Variants in PLXNA2 observed in about 807,000 individuals in gnomAD.
PLXNA2 encodes the protein plexin-A2.
A neutral mutation model predicts 193.5 loss-of-function variants in PLXNA2; 91 were observed. The ratio of observed to expected loss-of-function variants is 0.47; its 90% CI spans 0.40 to 0.56. The LOEUF is 0.56. Among genes scored for constraint, PLXNA2 ranks in the 20% least tolerant of loss-of-function variants. The pLI is 0.00. For missense variants in PLXNA2, 1,995 were observed against 2,503.2 expected (o/e 0.80, Z 4.33); for synonymous variants, 997 against 1,027.3 (o/e 0.97, Z 0.56).
At chr1:208,210,061 T>G (rs1047480332) in intron 3 of PLXNA2, 14 of 340,978 alleles carry the variant, frequency 4.1e-5, no homozygotes, top group African/African-American at 2.9e-4. Context: ...AATATTGAAA[T>G]ACGCTTGCAT....
chr1:208,052,466 T>C lies in PLXNA2; in HGVS notation c.2857-3A>G. ...TTGAGTGACAGCACAGAAGGGTTCT[T>C]TGGAAAGAAGCAGAGAAATGACTAC... On this transcript the variant is annotated splice_region_variant and splice_polypyrimidine_tract_variant and intron_variant, in intron 14 of 31. Coordinates refer to ENST00000367033, the MANE Select transcript of PLXNA2 (RefSeq NM_025179.4). The C allele has an allele frequency of 6.2e-7, 1 of 1,614,024 alleles. No homozygotes were observed. Among genetic ancestry groups the C allele is most frequent in the Non-Finnish European group, 8.5e-7 (1 of 1,179,968 alleles).
intron 1 of PLXNA2, among the ~76,000 whole-genome samples, chr1:208,234,068 G>A (rs1671776004): frequency 6.6e-6 from 1 of 151,982 alleles, no homozygotes; most frequent in Non-Finnish European, 1.5e-5. Flanking sequence ...GAGGTCACTG[G>A]GCACAGTGCA....
At chr1:208,178,041 A>C (rs1000070246) in intron 3 of PLXNA2, among the ~76,000 whole-genome samples, 10 of 152,232 alleles carry the variant, frequency 6.6e-5, no homozygotes, top group African/African-American at 2.4e-4. Flanking sequence ...CTGGTAATAG[A>C]AGATGATGTG....
intron 4 of PLXNA2, among the ~76,000 whole-genome samples, chr1:208,105,823 C>T (rs1667253900): frequency 6.6e-6 from 1 of 152,112 alleles, no homozygotes; most frequent in Non-Finnish European, 1.5e-5. Flanking sequence ...GGGTTTCGGG[C>T]TCCTTGTGAG....
intron 3 of PLXNA2, among the ~76,000 whole-genome samples, chr1:208,192,974 G>C (rs1670233358): frequency 1.3e-5 from 2 of 150,158 alleles, no homozygotes. Context: ...AGAATCTAAT[G>C]TAAGCAATGG....
intron 3 of PLXNA2, among the ~76,000 whole-genome samples, chr1:208,144,901 G>A (rs758386868): frequency 3.3e-5 from 5 of 151,946 alleles, no homozygotes; most frequent in African/African-American, 4.8e-5. Flanking sequence ...GGTGTTACAC[G>A]GCTGAGACCA....
rs1037497578 is a variant in PLXNA2 at position 208,236,170 on chromosome 1, G to C, written c.-81+7473C>G. Among the ~76,000 whole-genome samples, 2 of 152,070 alleles carry C rather than the reference G, an allele frequency of 1.3e-5. No individual in the cohort carries two copies. The highest frequency in any genetic ancestry group is 4.8e-5 in the African/African-American group (2 of 41,414). On this transcript the variant is annotated intron_variant, in intron 1 of 31. Coordinates refer to ENST00000367033, the MANE Select transcript of PLXNA2 (RefSeq NM_025179.4). This position sits in a 1 kb window ranked among gnomAD's most constrained non-coding sequence, Gnocchi z 4.4. ...TGCCTGTGGACGGGGAAGGAGCCTG[G>C]GTCTTCCTGTCTGGCTTGGGCTGGG...
Position 208,211,793 on chromosome 1 carries a change from T to C in PLXNA2, c.1189-1331A>G, listed in dbSNP as rs900824458. Among the ~76,000 whole-genome samples the C allele has an allele frequency of 5.3e-5, 8 of 152,164 alleles. No homozygotes were observed. The East Asian group carries it at 1.5e-3, about 29-fold the overall frequency. ...GTTGTGAAAACTTGGACAAGCAGGG[T>C]CCTCTTGTAGGGCTCTTAAAGGGAA... On this transcript the variant is annotated intron_variant, in intron 2 of 31. Coordinates refer to ENST00000367033, the MANE Select transcript of PLXNA2 (RefSeq NM_025179.4).
At chr1:208,178,230 CAA>C (rs776921801) in intron 3 of PLXNA2, among the ~76,000 whole-genome samples, 9 of 152,110 alleles carry the variant, frequency 5.9e-5, no homozygotes, top group Non-Finnish European at 1.2e-4. Context: ...AAAGCTATGG[CAA>C]AGAGTTATGA....
chr1:208,132,879 G>A (rs2102469204), intron 4 of PLXNA2, among the ~76,000 whole-genome samples: 1 of 152,312 alleles, frequency 6.6e-6, no homozygotes, highest in South Asian at 2.1e-4. Context: ...TGAGGTAACT[G>A]AAGCACAGAA....
intron 4 of PLXNA2, among the ~76,000 whole-genome samples, chr1:208,135,352 C>T (rs1435603387): frequency 6.6e-6 from 1 of 152,210 alleles, no homozygotes; most frequent in Non-Finnish European, 1.5e-5. Context: ...CACTCCCCCA[C>T]ATACTGAAGG....
rs775097684 is a variant in PLXNA2, at chr1:208,051,345, G to T, written c.3072C>A (p.Val1024=). 3 of 1,613,560 alleles carry T rather than the reference G, an allele frequency of 1.9e-6. No homozygotes were observed. Among genetic ancestry groups the T allele is most frequent in the Non-Finnish European group, 2.5e-6 (3 of 1,179,834 alleles). ...GLGPVPVSVS[V]DRAHVDSNLQ... ...GGTTGCTATCCACATGGGCTCGGTC[G>T]ACACTCACAGAAACAGGGACCGGGC... The change falls in exon 16 of 32, where the codon GTC becomes GTA. Residue 1024 remains valine (V), a synonymous_variant. Transcript: ENST00000367033.
chr1:208,130,456 C>T (rs1001039904), intron 4 of PLXNA2, among the ~76,000 whole-genome samples: 7 of 152,220 alleles, frequency 4.6e-5, no homozygotes, highest in African/African-American at 1.7e-4. Flanking sequence ...ATCTCACTCA[C>T]CAACCCCACC....
chr1:208,058,456 CG>C, intron 13 of PLXNA2, among the ~76,000 whole-genome samples: 1 of 152,328 alleles, frequency 6.6e-6, no homozygotes, highest in Middle Eastern at 3.4e-3. Flanking sequence ...GACTCTGCAC[CG>C]GGTCCTTTTA....
chr1:208,210,712 T>G (rs1467971329), intron 2 of PLXNA2, among the ~76,000 whole-genome samples: 2 of 152,202 alleles, frequency 1.3e-5, no homozygotes, highest in Non-Finnish European at 2.9e-5. Context: ...GTCACCTGTA[T>G]CTACCTTTCT....
At chr1:208,183,986 A>G (rs1427554384) in intron 3 of PLXNA2, among the ~76,000 whole-genome samples, 2 of 152,214 alleles carry the variant, frequency 1.3e-5, no homozygotes, top group African/African-American at 4.8e-5. Flanking sequence ...GCACACTAAT[A>G]TATGTCAATC....
rs151296962 is a variant in PLXNA2 at position 208,034,584 on chromosome 1, G to T, written c.4773C>A (p.Asp1591Glu). The change falls in exon 27 of 32, where the codon GAC becomes GAA. Residue 1591 changes from aspartate (D) to glutamate (E), a missense_variant. Physicochemically the swap from Asp to Glu is conservative, Grantham distance 45. This residue lies in a region of PLXNA2 where 1,291 missense variants were observed against 1,673.6 expected (regional missense o/e 0.77). Coordinates refer to ENST00000367033, the MANE Select transcript of PLXNA2 (RefSeq NM_025179.4). ...TGGGGACCAGAGCCACCACCGACCTGTCTGACACCTGAGAAGGGTACAAAA... is the reference window on the plus strand; with the variant it reads ...TGGGGACCAGAGCCACCACCGACCTTTCTGACACCTGAGAAGGGTACAAAA... Reference protein sequence around the residue: ...LNTLMHYQVSDRSVVALVPKQ... With the variant: ...LNTLMHYQVSERSVVALVPKQ... The T allele has an allele frequency of 1.3e-5, 21 of 1,609,010 alleles. No individual in the cohort carries two copies. Among genetic ancestry groups the T allele is most frequent in the Admixed American group, 5.0e-5 (3 of 60,020 alleles).
At position 208,045,871 on chromosome 1, in the gene PLXNA2, C is replaced by G. The variant is rs767259980; in HGVS notation, c.3495+7G>C. ...TGGTGGCACTGCCCTCTGGCGGGCA[C>G]TCCTACCTTCAGAATGATGGGCGAT... On this transcript the variant is annotated splice_region_variant and intron_variant, in intron 18 of 31. Transcript: ENST00000367033. The G allele has an allele frequency of 1.5e-5, 25 of 1,614,086 alleles. No homozygotes were observed. In the East Asian group the frequency reaches 4.7e-4, roughly 30 times the overall value.
At chr1:208,042,403 G>A (rs1664901546) in intron 21 of PLXNA2, 37 bp from the exon 22 acceptor site, 1 of 1,596,840 alleles carries the variant, frequency 6.3e-7, no homozygotes, top group African/African-American at 1.3e-5. Context: ...GCCCTCAGAG[G>A]ACAGGCATCG....
Sources: allele counts gnomAD v4.1 joint callset (sites outside exome capture counted in the v4.1 genomes callset), GRCh38; gene constraint gnomAD v4.1.1; regional missense constraint gnomAD v4.1.1; non-coding constraint Gnocchi (gnomAD v3.1); transcripts MANE v1.5; gene names NCBI Gene and HGNC (gene_info 2026-07-23, HGNC 2026-07-21).